The following PPFIA1 variants were observed in gnomAD, a reference collection of about 807,000 sequenced individuals.
The protein encoded by PPFIA1 is PPFI scaffold protein A1, also known as liprin-alpha-1.
PPFIA1 carries 25 observed loss-of-function variants against 149.9 expected under a neutral mutation model. That is an observed-to-expected ratio of 0.17 (90% CI 0.12 to 0.23). The LOEUF is 0.23. PPFIA1 is among the 10% of genes least tolerant of loss of function. The pLI is 1.00. For synonymous variants in PPFIA1, 549 were observed against 552.8 expected, an observed-to-expected ratio of 0.99 and a Z score of 0.10; for missense variants, 1,362 against 1,506.5, an observed-to-expected ratio of 0.90 and a Z score of 1.59.
intron 16 of PPFIA1, 49 bp from the exon 17 acceptor site, chr11:70,354,252 T>G: frequency 6.5e-7 from 1 of 1,549,776 alleles, no homozygotes; most frequent in Non-Finnish European, 8.7e-7. Context: ...AAGGCCTGAG[T>G]TTTTCACAGT....
At chr11:70,317,444 C>T (rs1368467861) in intron 2 of PPFIA1, among the ~76,000 whole-genome samples, 1 of 152,090 alleles carries the variant, frequency 6.6e-6, no homozygotes. Context: ...TAATCATGAA[C>T]GTCTATGAAT....
intron 2 of PPFIA1, among the ~76,000 whole-genome samples, chr11:70,318,354 C>T (rs998987753): frequency 2.0e-5 from 3 of 152,202 alleles, no homozygotes; most frequent in African/African-American, 7.2e-5. Context: ...TCTGGATCTG[C>T]ACCCCGCACC....
chr11:70,347,080 A>T (rs553642858), intron 15 of PPFIA1, among the ~76,000 whole-genome samples: 1 of 152,270 alleles, frequency 6.6e-6, no homozygotes, highest in South Asian at 2.1e-4. Flanking sequence ...GAACCAACTC[A>T]ATATTTTCGT....
At chr11:70,348,480 A>G in intron 16 of PPFIA1, 60 bp downstream of exon 16, 1 of 1,358,232 alleles carries the variant, frequency 7.4e-7, no homozygotes, top group East Asian at 2.3e-5. Flanking sequence ...GAAATCTTGG[A>G]CACTACAAAT....
chr11:70,371,388 T>G (rs1332721838), intron 21 of PPFIA1: 2 of 159,780 alleles, frequency 1.3e-5, no homozygotes, highest in East Asian at 1.9e-4. Flanking sequence ...CTATATTCTG[T>G]TGTTTGGTGG....
At chr11:70,283,180 G>T (rs2050883905) in intron 2 of PPFIA1, among the ~76,000 whole-genome samples, 1 of 149,776 alleles carries the variant, frequency 6.7e-6, no homozygotes, top group African/African-American at 2.5e-5. Flanking sequence ...AGCAAATATT[G>T]CCTTTGGGCT....
At chr11:70,295,762 G>A (rs908396481) in intron 2 of PPFIA1, among the ~76,000 whole-genome samples, 2 of 149,238 alleles carry the variant, frequency 1.3e-5, no homozygotes, top group African/African-American at 2.4e-5. Flanking sequence ...CCTCCCAGAC[G>A]GGACGGCTGG....
chr11:70,326,590 C>T lies in PPFIA1; in HGVS notation c.709-7C>T, dbSNP rs76706814. ...GGTATTTAAGGATTTTTTTTTCCCC[C>T]TATCAGAGATCTTCTGATGGTTCTT... is the stretch of plus-strand genomic sequence containing the variant. On this transcript the variant is annotated splice_polypyrimidine_tract_variant and splice_region_variant and intron_variant, in intron 6 of 27. Transcript: ENST00000253925. 1 of 1,602,336 alleles carries T rather than the reference C, an allele frequency of 6.2e-7. No homozygotes were observed.
Position 70,376,675 on chromosome 11 carries a change from GTTATTA to G in PPFIA1, c.3384+83_3384+88del. The G allele has an allele frequency of 6.4e-6, 8 of 1,242,850 alleles. 1 individual carries two copies. The highest frequency in any genetic ancestry group is 3.0e-5 in the African/African-American group (2 of 67,486). 77.0% of individuals were successfully genotyped at this position (1,242,850 alleles called of 1,614,324 possible). On this transcript the variant is annotated intron_variant, in intron 25 of 27. Transcript: ENST00000253925. ...TTTAAATGTGTGTGAAATGTAAGCT[GTTATTA>G]TTATTATACTTGGGACATCATGTAG...
chr11:70,326,607 A>G lies in PPFIA1; in HGVS notation c.719A>G (p.Asp240Gly). The G allele has an allele frequency of 1.2e-6, 2 of 1,613,292 alleles. No individual in the cohort carries two copies. The highest frequency in any genetic ancestry group is 1.7e-6 in the Non-Finnish European group (2 of 1,179,624). The part of the protein sequence containing the change: ...TPSTSGKRSS[D>G]GSLSHEEDLA... ...TTTTCCCCCTATCAGAGATCTTCTG[A>G]TGGTTCTTTAAGCCACGAGGAAGAC... Residue 240 changes from aspartate (D) to glycine (G), a missense_variant, in exon 7 of 28, where the codon GAT (aspartate) becomes GGT (glycine). Physicochemically the swap from Asp to Gly is moderately conservative, Grantham distance 94. Transcript: ENST00000253925.
chr11:70,352,287 A>G (rs1196943727), intron 16 of PPFIA1, among the ~76,000 whole-genome samples: 1 of 152,232 alleles, frequency 6.6e-6, no homozygotes, highest in African/African-American at 2.4e-5. Context: ...GAACAGTGCC[A>G]CTTAAAGTGG....
intron 16 of PPFIA1, among the ~76,000 whole-genome samples, chr11:70,349,450 G>A (rs867513219): frequency 7.9e-5 from 12 of 152,188 alleles, no homozygotes; most frequent in Non-Finnish European, 1.5e-4. Context: ...GGGCAACATA[G>A]TGAGAACCCC....
chr11:70,378,406 C>G, intron 26 of PPFIA1: 1 of 1,284,946 alleles, frequency 7.8e-7, no homozygotes, highest in Non-Finnish European at 9.8e-7. Context: ...ACACGCTTGT[C>G]TGGTTGAATC....
In PPFIA1 at chr11:70,355,805, G is replaced by A; in HGVS notation, c.2482G>A (p.Gly828Arg). 1 of 1,608,328 alleles carries A rather than the reference G, an allele frequency of 6.2e-7. No homozygotes were observed. The highest frequency in any genetic ancestry group is 1.1e-5 in the South Asian group (1 of 90,356). The change falls in exon 18 of 28, where the codon GGA (glycine) becomes AGA (arginine). Residue 828 changes from glycine to arginine, a missense_variant. Physicochemically the swap from Gly to Arg is moderately radical, Grantham distance 125. Transcript: ENST00000253925. ...TGGACAAACTGGCAAAGAAGCATTA[G>A]GACAAGGTTGGTTGGTTTTCCGCAC... ...RPGQTGKEALGQAGVSETDNS... is the reference protein window; with the variant it reads ...RPGQTGKEALRQAGVSETDNS...
At chr11:70,334,643 T>A (rs2054861500) in intron 10 of PPFIA1, 1 of 152,264 alleles carries the variant, frequency 6.6e-6, no homozygotes, top group African/African-American at 2.4e-5. Flanking sequence ...GTAATGATAG[T>A]TGCTACATGT....
intron 14 of PPFIA1, among the ~76,000 whole-genome samples, chr11:70,340,556 C>T (rs1340226279): frequency 6.6e-6 from 1 of 152,204 alleles, no homozygotes; most frequent in African/African-American, 2.4e-5. Flanking sequence ...TTTCAATACA[C>T]GCAAGTATAA....
intron 19 of PPFIA1, among the ~76,000 whole-genome samples, chr11:70,356,776 C>G (rs1254631145): frequency 1.3e-5 from 2 of 152,234 alleles, no homozygotes; most frequent in Non-Finnish European, 2.9e-5. Flanking sequence ...CTTCATACTG[C>G]TGGTCTGTCC....
chr11:70,278,928 TGTC>T, intron 2 of PPFIA1: 1 of 611,540 alleles, frequency 1.6e-6, no homozygotes, highest in Non-Finnish European at 3.2e-6. Context: ...AGTCTGCTGT[TGTC>T]CTTTCTTCCC....
intron 2 of PPFIA1, among the ~76,000 whole-genome samples, chr11:70,295,338 C>A (rs2051856929): frequency 7.1e-6 from 1 of 139,870 alleles, no homozygotes. Flanking sequence ...GGGCTGACCC[C>A]CCCCACCTCC....
Sources: gnomAD v4.1 joint callset for allele counts (sites outside exome capture counted in the v4.1 genomes callset) on GRCh38, gnomAD v4.1.1 for gene constraint, MANE v1.5 for transcripts, NCBI Gene and HGNC (gene_info 2026-07-23, HGNC 2026-07-21) for gene names.